CHD1: variants seen among roughly 807,000 people sequenced by gnomAD.
The protein encoded by CHD1 is chromodomain helicase DNA binding protein 1.
CHD1 carries 36 observed loss-of-function variants against 224.2 expected under a neutral mutation model. That is an observed-to-expected ratio of 0.16 (90% CI 0.12 to 0.21). CHD1 has a LOEUF of 0.21. Among genes scored for constraint, CHD1 ranks in the 10% least tolerant of loss-of-function variants. The probability of loss-of-function intolerance (pLI) is 1.00; values close to 1 mark genes in which losing one functional copy is unlikely to be tolerated. For synonymous variants in CHD1, 668 were observed against 658.3 expected (o/e 1.01, Z -0.23); for missense variants, 1,378 against 1,994.8 (o/e 0.69, Z 5.89).
intron 17 of CHD1, 50 bp downstream of exon 17, chr5:98,888,038 G>T: frequency 1.6e-6 from 2 of 1,214,470 alleles, no homozygotes; most frequent in Non-Finnish European, 1.2e-6. Flanking sequence ...TGTAAAATAT[G>T]CACAGGAATT....
rs375441637 is a variant in CHD1 at position 98,873,289 on chromosome 5, T to C, written c.3571+304A>G. On this transcript the variant is annotated intron_variant, in intron 26 of 35. Transcript: ENST00000614616. The stretch of plus-strand genomic sequence containing the variant: ...AAAAACCTATAGATACTATACATAT[T>C]GTACTGTGTGTGTGTATATATACAC... Among the ~76,000 whole-genome samples, 81 of 152,230 alleles carry C rather than the reference T, an allele frequency of 5.3e-4. No homozygotes were observed. The South Asian group carries it at 0.017, about 31-fold the overall frequency.
intron 18 of CHD1, 77 bp from the exon 19 acceptor site, chr5:98,883,314 A>T: frequency 1.1e-6 from 1 of 909,998 alleles, no homozygotes. Context: ...TACTAATTAA[A>T]CAGAAAGGCA....
Position 98,882,065 on chromosome 5 carries a change from G to A in CHD1, c.2777C>T (p.Ala926Val). ...GSVEEDILER[A>V]KKKMVLDHLV... Reference sequence around the variant, plus strand: ...ATGATCTAAAACCATCTTCTTTTTCGCCCTTTCAAGAATATCTTCTTCAAC... The same window carrying A: ...ATGATCTAAAACCATCTTCTTTTTCACCCTTTCAAGAATATCTTCTTCAAC... Residue 926 changes from alanine to valine, a missense_variant, in exon 20 of 36, where the codon GCG becomes GTG. Transcript: ENST00000614616. 5 of 1,612,818 alleles carry A rather than the reference G, an allele frequency of 3.1e-6. No homozygotes were observed. Among genetic ancestry groups the A allele is most frequent in the Non-Finnish European group, 4.2e-6 (5 of 1,179,382 alleles).
intron 15 of CHD1, among the ~76,000 whole-genome samples, chr5:98,892,103 C>T (rs1391865456): frequency 6.6e-6 from 1 of 152,110 alleles, no homozygotes; most frequent in Non-Finnish European, 1.5e-5. Flanking sequence ...CTGTATAGAT[C>T]TTGACATACA....
chr5:98,872,401 A>G lies in CHD1; in HGVS notation c.3710+16T>C. On this transcript the variant is annotated intron_variant, in intron 27 of 35. Coordinates refer to ENST00000614616, the MANE Select transcript of CHD1 (RefSeq NM_001270.4). ...GAATAACAAAAATCTTACAATGGAG[A>G]AAATAAATCACTCACTGCTTTCTTT... The G allele has an allele frequency of 6.2e-7, 1 of 1,600,204 alleles. No homozygotes were observed. Among genetic ancestry groups the G allele is most frequent in the East Asian group, 2.2e-5 (1 of 44,718 alleles).
chr5:98,889,241 T>A lies in CHD1; in HGVS notation c.2181-3A>T. On this transcript the variant is annotated splice_region_variant and splice_polypyrimidine_tract_variant and intron_variant, in intron 15 of 35. Coordinates refer to ENST00000614616, the MANE Select transcript of CHD1 (RefSeq NM_001270.4). ...TGTAATTCCTAGTTAAAATCCATCTTAAAAAAAAAAATTATGAAAACGATG... is the reference window on the plus strand; with the variant it reads ...TGTAATTCCTAGTTAAAATCCATCTAAAAAAAAAAAATTATGAAAACGATG... The A allele has an allele frequency of 3.0e-6, 4 of 1,328,106 alleles. No homozygotes were observed. Among genetic ancestry groups the A allele is most frequent in the South Asian group, 1.5e-5 (1 of 67,328 alleles). The allele number at this position is 1,328,106 out of a possible 1,614,324, so 82.3% of individuals were successfully genotyped here. A position where few individuals can be genotyped will look rare whatever the true frequency, so the allele number is the denominator to read the frequency against.
intron 18 of CHD1, among the ~76,000 whole-genome samples, chr5:98,884,883 T>A (rs539909648): frequency 6.6e-6 from 1 of 151,662 alleles, no homozygotes. Context: ...GCCCAGTTTA[T>A]TTTTTTTACT....
chr5:98,866,015 G>A (rs1282447042), intron 31 of CHD1, among the ~76,000 whole-genome samples: 1 of 152,232 alleles, frequency 6.6e-6, no homozygotes, highest in East Asian at 1.9e-4. Context: ...ACATAGAGAA[G>A]GGGAAGTAGC....
At chr5:98,912,306 C>T (rs1752474160) in intron 2 of CHD1, among the ~76,000 whole-genome samples, 1 of 151,842 alleles carries the variant, frequency 6.6e-6, no homozygotes, top group Admixed American at 6.6e-5. Flanking sequence ...CCAAACTAGG[C>T]CAACAGAAAT....
chr5:98,903,097 T>G, intron 4 of CHD1, 133 bp from the exon 5 acceptor site: 1 of 509,302 alleles, frequency 2.0e-6, no homozygotes, highest in South Asian at 3.1e-5. Flanking sequence ...TCAATGTAGT[T>G]TTATTTATGT....
intron 2 of CHD1, among the ~76,000 whole-genome samples, chr5:98,910,499 A>C (rs1752320258): frequency 6.6e-6 from 1 of 152,054 alleles, no homozygotes; most frequent in African/African-American, 2.4e-5. Flanking sequence ...ATGTTGCTTT[A>C]TTTACTTGGA....
chr5:98,900,386 C>CA (rs957184576), intron 7 of CHD1, among the ~76,000 whole-genome samples: 3 of 149,954 alleles, frequency 2.0e-5, no homozygotes, highest in East Asian at 2.0e-4. Context: ...ACAACAACAA[C>CA]AAAAAATCCA....
chr5:98,872,948 A>C (rs1749466566), intron 26 of CHD1, among the ~76,000 whole-genome samples: 1 of 152,022 alleles, frequency 6.6e-6, no homozygotes, highest in East Asian at 1.9e-4. Context: ...TCAATTCACA[A>C]GTAACTGAGA....
At position 98,879,623 on chromosome 5, in the gene CHD1, C is replaced by G; in HGVS notation, c.3166G>C (p.Glu1056Gln). 6.2e-7 allele frequency: 1 copy of G among 1,607,908 alleles called. No homozygotes were observed. The highest frequency in any genetic ancestry group is 8.5e-7 in the Non-Finnish European group (1 of 1,177,226). Residue 1056 changes from glutamate (E) to glutamine (Q), a missense_variant, in exon 23 of 36, where the codon GAA becomes CAA. By Grantham distance (29) the Glu-to-Gln change is conservative. Transcript: ENST00000614616. ...IIPEDQRRRL[E>Q]EEERQKELEE... is the part of the protein sequence containing the mutation. ...AGTTCCTTTTGTCTTTCTTCTTCTT[C>G]TAATCGTCTTCTTTGATCTTCTGGA...
rs367572284 is a variant in CHD1 at position 98,885,653 on chromosome 5, G to C, written c.2497-4C>G. 4.0e-5 allele frequency: 61 copies of C among 1,520,878 alleles called. 2 individuals carry two copies. The highest frequency in any genetic ancestry group is 4.0e-5 in the Non-Finnish European group (45 of 1,113,034). The allele number at this position is 1,520,878 out of a possible 1,614,324, so 94.2% of individuals were successfully genotyped here. A position where few individuals can be genotyped will look rare whatever the true frequency, so the allele number is the denominator to read the frequency against. Reference sequence around the variant, plus strand: ...CTTTTATTGATCCATCTAATCTCTAGAAAAAAACACATTAAAATACTGCAT... The same window carrying C: ...CTTTTATTGATCCATCTAATCTCTACAAAAAAACACATTAAAATACTGCAT... On this transcript the variant is annotated splice_region_variant and splice_polypyrimidine_tract_variant and intron_variant, in intron 17 of 35. Coordinates refer to ENST00000614616, the MANE Select transcript of CHD1 (RefSeq NM_001270.4).
chr5:98,890,950 G>A (rs1750976665), intron 15 of CHD1, among the ~76,000 whole-genome samples: 1 of 152,124 alleles, frequency 6.6e-6, no homozygotes, highest in African/African-American at 2.4e-5. Flanking sequence ...ATCCCAATTC[G>A]AGTAAACGTA....
At chr5:98,896,188 T>A (rs1262614242) in intron 12 of CHD1, 38 bp downstream of exon 12, 4 of 1,518,250 alleles carry the variant, frequency 2.6e-6, no homozygotes, top group Non-Finnish European at 3.7e-6. Flanking sequence ...CAAAGACAAG[T>A]ACATTTTGAT....
Position 98,856,691 on chromosome 5 carries a change from C to A in CHD1, c.4822G>T (p.Asp1608Tyr). The A allele has an allele frequency of 6.2e-7, 1 of 1,609,680 alleles. No homozygotes were observed. Among genetic ancestry groups the A allele is most frequent in the Non-Finnish European group, 8.5e-7 (1 of 1,176,340 alleles). Residue 1608 changes from aspartate to tyrosine, a missense_variant, in exon 36 of 36, where the codon GAT (aspartate) becomes TAT (tyrosine). Physicochemically the swap from Asp to Tyr is radical, Grantham distance 160 (BLOSUM62 -3). Coordinates refer to ENST00000614616, the MANE Select transcript of CHD1 (RefSeq NM_001270.4). ...YSDREKHRKL[D>Y]DHRSRDHRSN... ...CTGTGATCTCTACTCCTGTGATCAT[C>A]CAGTTTTCTGTGTTTCTCTCTGTCA...
In CHD1 at chr5:98,899,631, C is replaced by T. The variant is rs1225719891; in HGVS notation, c.934G>A (p.Glu312Lys). ...DPNAGFEKNKEPGEIQYLIKW... is the reference protein window; with the variant it reads ...DPNAGFEKNKKPGEIQYLIKW... The stretch of plus-strand genomic sequence containing the variant: ...ATTAAATACTGAATCTCTCCTGGTT[C>T]TTTGTTTTTTTCAAAGCCTGCATTT... The change falls in exon 8 of 36, where the codon GAA (glutamate) becomes AAA (lysine). Residue 312 changes from glutamate to lysine, a missense_variant. Physicochemically the swap from Glu to Lys is moderately conservative, Grantham distance 56. Coordinates refer to ENST00000614616, the MANE Select transcript of CHD1 (RefSeq NM_001270.4). 1.2e-6 allele frequency: 2 copies of T among 1,613,606 alleles called. No individual in the cohort carries two copies. Among genetic ancestry groups the T allele is most frequent in the African/African-American group, 2.7e-5 (2 of 74,812 alleles).
Sources: allele counts gnomAD v4.1 joint callset (sites outside exome capture counted in the v4.1 genomes callset), GRCh38; gene constraint gnomAD v4.1.1; transcripts MANE v1.5; gene names NCBI Gene and HGNC (gene_info 2026-07-23, HGNC 2026-07-21).